GPC5: variants seen among roughly 807,000 people sequenced by gnomAD.
The protein encoded by GPC5 is glypican 5.
GPC5 carries 47 observed loss-of-function variants against 53.9 expected under a neutral mutation model. The ratio of observed to expected loss-of-function variants is 0.87; its 90% CI spans 0.69 to 1.11. GPC5 has a LOEUF of 1.11. Ranked by LOEUF, GPC5 falls within the 50% of genes most tolerant of loss-of-function variation. The pLI, the probability that GPC5 is intolerant of heterozygous loss-of-function variation, is 0.00. For synonymous variants in GPC5, 286 were observed against 263.3 expected (o/e 1.09, Z -0.84); for missense variants, 748 against 713.1 (o/e 1.05, Z -0.56).
chr13:92,472,887 A>G (rs927844806), intron 7 of GPC5, among the ~76,000 whole-genome samples: 1 of 152,122 alleles, frequency 6.6e-6, no homozygotes, highest in African/African-American at 2.4e-5. Context: ...TATGTAAACT[A>G]ATTGCATGAT....
chr13:91,909,718 TA>T (rs575679818), intron 6 of GPC5, among the ~76,000 whole-genome samples: 279 of 151,760 alleles, frequency 1.8e-3, no homozygotes, highest in African/African-American at 6.1e-3. Context: ...TGCACAGTTA[TA>T]AAAAAAACAC....
At chr13:92,108,216 G>C (rs1304484284) in intron 6 of GPC5, among the ~76,000 whole-genome samples, 3 of 152,014 alleles carry the variant, frequency 2.0e-5, no homozygotes, top group Non-Finnish European at 2.9e-5. Context: ...ATACATAGCA[G>C]TAAAGAATAT....
At chr13:92,765,430 G>A (rs1875363727) in intron 7 of GPC5, among the ~76,000 whole-genome samples, 1 of 152,018 alleles carries the variant, frequency 6.6e-6, no homozygotes, top group Non-Finnish European at 1.5e-5. Flanking sequence ...GAATTCATTA[G>A]GCCAATACAA....
At chr13:92,336,537 C>T (rs1409297602) in intron 7 of GPC5, among the ~76,000 whole-genome samples, 6 of 146,384 alleles carry the variant, frequency 4.1e-5, no homozygotes, top group Non-Finnish European at 9.0e-5. Context: ...TTAATATTGT[C>T]TTAGTATTTG....
chr13:92,483,242 A>G (rs957167020), intron 7 of GPC5, among the ~76,000 whole-genome samples: 2 of 152,172 alleles, frequency 1.3e-5, no homozygotes, highest in African/African-American at 4.8e-5. Flanking sequence ...TGATTTCATA[A>G]TTGTGTGAAC....
intron 3 of GPC5, among the ~76,000 whole-genome samples, chr13:91,708,967 T>C (rs1158671860): frequency 6.6e-6 from 1 of 152,262 alleles, no homozygotes; most frequent in African/African-American, 2.4e-5. Context: ...AGGTTTTGTT[T>C]GTTTTCCCCA....
At chr13:92,667,541 G>A (rs1435241977) in intron 7 of GPC5, among the ~76,000 whole-genome samples, 1 of 152,066 alleles carries the variant, frequency 6.6e-6, no homozygotes, top group South Asian at 2.1e-4. Context: ...TGAAATTGAG[G>A]TTTTCTGTGT....
chr13:92,447,137 A>G (rs1255845074), intron 7 of GPC5: 4 of 152,078 alleles, frequency 2.6e-5, no homozygotes, highest in Non-Finnish European at 5.9e-5. Context: ...TATTATGTAG[A>G]TGTGGTCCCA....
At chr13:92,215,821 G>A (rs751864349) in intron 7 of GPC5, among the ~76,000 whole-genome samples, 17 of 152,118 alleles carry the variant, frequency 1.1e-4, no homozygotes, top group African/African-American at 3.9e-4. Context: ...GTTTGTTAAC[G>A]GTGTGTGATG....
intron 6 of GPC5, among the ~76,000 whole-genome samples, chr13:92,021,716 G>A (rs1472008068): frequency 6.6e-6 from 1 of 151,986 alleles, no homozygotes; most frequent in Non-Finnish European, 1.5e-5. Flanking sequence ...CCTAACAATA[G>A]GCTTTATCCA....
At chr13:92,811,877 T>A (rs770392793) in intron 7 of GPC5, among the ~76,000 whole-genome samples, 1 of 151,930 alleles carries the variant, frequency 6.6e-6, no homozygotes, top group Non-Finnish European at 1.5e-5. Context: ...TTCCTTTGAA[T>A]GGACTAAGCA....
At chr13:91,947,952 C>T (rs1307431973) in intron 6 of GPC5, among the ~76,000 whole-genome samples, 1 of 152,026 alleles carries the variant, frequency 6.6e-6, no homozygotes, top group Admixed American at 6.6e-5. Context: ...GAGATTGAGA[C>T]CATCCTGACC....
intron 5 of GPC5, among the ~76,000 whole-genome samples, chr13:91,865,687 A>G (rs894221854): frequency 4.6e-5 from 7 of 151,932 alleles, no homozygotes; most frequent in African/African-American, 1.7e-4. Flanking sequence ...CATTTAAACA[A>G]TTTTGCTTTT....
At chr13:92,357,277 T>C (rs752440691) in intron 7 of GPC5, among the ~76,000 whole-genome samples, 3 of 151,728 alleles carry the variant, frequency 2.0e-5, no homozygotes, top group Non-Finnish European at 4.4e-5. Flanking sequence ...TTTTAACTCT[T>C]TGAGGAATTG....
chr13:91,428,499 G>T (rs961822756), intron 1 of GPC5, among the ~76,000 whole-genome samples: 2 of 152,170 alleles, frequency 1.3e-5, no homozygotes, highest in Non-Finnish European at 2.9e-5. Context: ...CCAATCAGGG[G>T]CTGCGTGCAC....
intron 7 of GPC5, among the ~76,000 whole-genome samples, chr13:92,260,569 A>T (rs1312022795): frequency 6.6e-6 from 1 of 151,878 alleles, no homozygotes; most frequent in Non-Finnish European, 1.5e-5. Context: ...CCCCCACTGC[A>T]CCCGGAACTG....
chr13:91,906,979 T>A (rs1226649995), intron 5 of GPC5, among the ~76,000 whole-genome samples: 1 of 150,116 alleles, frequency 6.7e-6, no homozygotes, highest in African/African-American at 2.4e-5. Flanking sequence ...AGTTATATAT[T>A]TTTTATATAT....
At chr13:91,771,376 G>A (rs4773648) in intron 5 of GPC5, among the ~76,000 whole-genome samples, 54,111 of 151,826 alleles carry the variant, frequency 0.36, 11,256 homozygotes, top group East Asian at 0.64. Context: ...CTATTCTTGC[G>A]TCTTTGAAGG....
intron 7 of GPC5, among the ~76,000 whole-genome samples, chr13:92,445,755 G>T (rs956722781): frequency 1.3e-5 from 2 of 151,962 alleles, no homozygotes; most frequent in South Asian, 4.2e-4. Flanking sequence ...TTGCTATCGT[G>T]AATAATGCCG....
Sources: allele counts gnomAD v4.1 joint callset (sites outside exome capture counted in the v4.1 genomes callset), GRCh38; gene constraint gnomAD v4.1.1; transcripts MANE v1.5; gene names NCBI Gene and HGNC (gene_info 2026-07-23, HGNC 2026-07-21).